HERC2: variants seen among roughly 807,000 people sequenced by gnomAD.
The protein encoded by HERC2 is E3 ubiquitin-protein ligase HERC2.
In HERC2, 102 loss-of-function variants were observed where a neutral mutation model predicts 537.7. That is an observed-to-expected ratio of 0.19 (90% CI 0.16 to 0.22). HERC2 has a LOEUF of 0.22. Among genes scored for constraint, HERC2 ranks in the 10% least tolerant of loss-of-function variants. HERC2 has a pLI of 1.00. For missense variants in HERC2, 4,236 were observed against 6,198.2 expected (o/e 0.68, Z 10.63); for synonymous variants, 2,224 against 2,466.2 (o/e 0.90, Z 2.91).
chr15:28,162,124 G>C (rs969379022), intron 69 of HERC2, among the ~76,000 whole-genome samples: 1 of 152,180 alleles, frequency 6.6e-6, no homozygotes, highest in Non-Finnish European at 1.5e-5. Flanking sequence ...GAGGTCAGCA[G>C]TTCCAGACCA....
rs969167794 is a variant in HERC2 at position 28,268,580 on chromosome 15, T to C, written c.1483A>G (p.Ile495Val). The C allele has an allele frequency of 6.2e-7, 1 of 1,614,132 alleles. No homozygotes were observed. Among genetic ancestry groups the C allele is most frequent in the African/African-American group, 1.3e-5 (1 of 75,018 alleles). ...TCAGAATGGGCAGCAATTTTTACAATGTTTCTGGAGGCAAGGCCTTGGACC... is the reference window on the plus strand; with the variant it reads ...TCAGAATGGGCAGCAATTTTTACAACGTTTCTGGAGGCAAGGCCTTGGACC... Reference protein sequence around the residue: ...QLVQGLASRNIVKIAAHSDGH... With the variant: ...QLVQGLASRNVVKIAAHSDGH... The change falls in exon 12 of 93, where the codon ATT becomes GTT. Residue 495 changes from isoleucine to valine, a missense_variant. Physicochemically the swap from Ile to Val is conservative, Grantham distance 29. Transcript: ENST00000261609. The surrounding 1 kb of genome is among the most constrained non-coding windows in gnomAD (Gnocchi z 4.7).
At chr15:28,164,434 A>C (rs1427153690) in intron 68 of HERC2, among the ~76,000 whole-genome samples, 1 of 152,202 alleles carries the variant, frequency 6.6e-6, no homozygotes, top group Non-Finnish European at 1.5e-5. Flanking sequence ...ATTCATTATA[A>C]ATGATGACAT....
intron 71 of HERC2, among the ~76,000 whole-genome samples, chr15:28,145,978 A>G (rs1891690312): frequency 6.6e-6 from 1 of 152,206 alleles, no homozygotes; most frequent in Admixed American, 6.5e-5. Context: ...ACACGTCTCC[A>G]GCACCTTCTG....
At chr15:28,175,356 C>T (rs1039279074) in intron 64 of HERC2, among the ~76,000 whole-genome samples, 156 bp downstream of exon 64, 1 of 152,024 alleles carries the variant, frequency 6.6e-6, no homozygotes, top group Admixed American at 6.5e-5. Flanking sequence ...CACCAGTGGG[C>T]AAAAGGAACA....
chr15:28,189,667 T>G (rs1052461458), intron 55 of HERC2, among the ~76,000 whole-genome samples: 9 of 152,342 alleles, frequency 5.9e-5, no homozygotes, highest in African/African-American at 1.9e-4. Context: ...GAGAGGATTT[T>G]AAATGTTCTC....
At position 28,171,642 on chromosome 15, in the gene HERC2, A is replaced by T. The variant is rs568369564; in HGVS notation, c.10058-1987T>A. ...TGACAAGATGAAGCTCACTTTTTTT[A>T]AAAAAAAAAGCAATTGTACTTATTT... is the stretch of plus-strand genomic sequence containing the variant. On this transcript the variant is annotated intron_variant, in intron 65 of 92. Coordinates refer to ENST00000261609, the MANE Select transcript of HERC2 (RefSeq NM_004667.6). 1.9e-3 allele frequency among the ~76,000 whole-genome samples: 286 copies of T among 147,236 alleles called. 1 individual carries two copies. Among genetic ancestry groups the T allele is most frequent in the African/African-American group, 5.6e-3 (221 of 39,338 alleles).
chr15:28,252,209 T>C (rs558003179), intron 20 of HERC2, among the ~76,000 whole-genome samples: 1 of 152,226 alleles, frequency 6.6e-6, no homozygotes, highest in Admixed American at 6.5e-5. Context: ...GTGTTGAGTG[T>C]AGCCAGACGG....
intron 78 of HERC2, among the ~76,000 whole-genome samples, chr15:28,137,059 G>A (rs558978207): frequency 6.6e-6 from 1 of 152,108 alleles, no homozygotes; most frequent in East Asian, 1.9e-4. Flanking sequence ...TAATGTCTAT[G>A]GCAGAGGGGA....
At chr15:28,180,303 C>T (rs1283788729) in intron 57 of HERC2, among the ~76,000 whole-genome samples, 4 of 152,190 alleles carry the variant, frequency 2.6e-5, no homozygotes, top group Non-Finnish European at 4.4e-5. Flanking sequence ...TAGTAGGCTA[C>T]ACCATCTACC....
chr15:28,115,280 T>TA, intron 89 of HERC2, 149 bp downstream of exon 89: 1 of 492,844 alleles, frequency 2.0e-6, no homozygotes, highest in Non-Finnish European at 3.6e-6. Context: ...TTTTTTTTTT[T>TA]GCTACTCAAA....
chr15:28,214,034 G>A, intron 41 of HERC2, 42 bp downstream of exon 41: 1 of 1,610,394 alleles, frequency 6.2e-7, no homozygotes, highest in African/African-American at 1.3e-5. Flanking sequence ...ATCCCTACAG[G>A]TTCACCGTTG....
chr15:28,239,265 G>C lies in HERC2; in HGVS notation c.3578-493C>G, dbSNP rs570706692. On this transcript the variant is annotated intron_variant, in intron 23 of 92. Transcript: ENST00000261609. ...GTGACATACAACTAAATGCATGCTT[G>C]AGGGCATTTATGCCTTTAAATGTGT... is the stretch of plus-strand genomic sequence containing the variant. Among the ~76,000 whole-genome samples, 5 of 152,232 alleles carry C rather than the reference G, an allele frequency of 3.3e-5. No individual in the cohort carries two copies. In the South Asian group the frequency reaches 1.0e-3, roughly 32 times the overall value.
chr15:28,251,298 T>C (rs1224775780), intron 20 of HERC2, among the ~76,000 whole-genome samples: 3 of 150,684 alleles, frequency 2.0e-5, no homozygotes, highest in Non-Finnish European at 4.4e-5. Flanking sequence ...CAAAAATTAG[T>C]CAGGTATGGT....
At chr15:28,150,022 A>T (rs1380979281) in intron 70 of HERC2, among the ~76,000 whole-genome samples, 2 of 152,090 alleles carry the variant, frequency 1.3e-5, no homozygotes, top group Non-Finnish European at 2.9e-5. Flanking sequence ...TAGTAAAATT[A>T]CCAAAAAAAC....
chr15:28,147,396 A>C (rs1891863536), intron 70 of HERC2, among the ~76,000 whole-genome samples: 1 of 152,186 alleles, frequency 6.6e-6, no homozygotes, highest in South Asian at 2.1e-4. Flanking sequence ...CGGGAGGCCG[A>C]GGCAGGCAGC....
Position 28,168,483 on chromosome 15 carries a change from A to G in HERC2, c.10337T>C (p.Met3446Thr), listed in dbSNP as rs766585746. The G allele has an allele frequency of 5.0e-6, 8 of 1,614,158 alleles. No individual in the cohort carries two copies. The highest frequency in any genetic ancestry group is 5.9e-6 in the Non-Finnish European group (7 of 1,180,036). Reference protein sequence around the residue: ...PSDASAMASPMNGEECMLAVD... With the variant: ...PSDASAMASPTNGEECMLAVD... The stretch of plus-strand genomic sequence containing the variant: ...AGCCAGCATGCATTCTTCTCCATTC[A>G]TGGGACTAGCCATCGCAGATGCGTC... Residue 3446 changes from methionine (M) to threonine (T), a missense_variant, in exon 67 of 93, where the codon ATG becomes ACG. This residue lies in a region of HERC2 where 356 missense variants were observed against 450.9 expected (regional missense o/e 0.79). Transcript: ENST00000261609.
intron 78 of HERC2, among the ~76,000 whole-genome samples, chr15:28,139,418 T>C (rs1281280375): frequency 1.3e-5 from 2 of 152,186 alleles, no homozygotes; most frequent in African/African-American, 4.8e-5. Flanking sequence ...GGGGAGGCTC[T>C]GCCAACAGCT....
chr15:28,175,414 TC>T, intron 64 of HERC2, 97 bp downstream of exon 64: 3 of 1,179,548 alleles, frequency 2.5e-6, no homozygotes, highest in Non-Finnish European at 3.6e-6. Flanking sequence ...GCTGATTTCA[TC>T]AACAGCTGTG....
Position 28,160,625 on chromosome 15 carries a change from TTC to T in HERC2, c.10746+2467_10746+2468del, listed in dbSNP as rs1259619963. On this transcript the variant is annotated intron_variant, in intron 69 of 92. Transcript: ENST00000261609. ...GGAGTGACCCAATTTTCCAGGTGCC[TTC>T]TGTCACAGCTTTGCTTGGCTAGGAA... 2.6e-5 allele frequency among the ~76,000 whole-genome samples: 4 copies of T among 152,336 alleles called. No homozygotes were observed. The South Asian group carries it at 8.3e-4, about 32-fold the overall frequency.
Sources: gnomAD v4.1 joint callset for allele counts (sites outside exome capture counted in the v4.1 genomes callset) on GRCh38, gnomAD v4.1.1 for gene constraint, gnomAD v4.1.1 regional missense constraint, Gnocchi (gnomAD v3.1) non-coding constraint, MANE v1.5 for transcripts, NCBI Gene and HGNC (gene_info 2026-07-23, HGNC 2026-07-21) for gene names.